The following CADPS2 variants were observed in gnomAD, a reference collection of about 807,000 sequenced individuals.
CADPS2 encodes calcium dependent secretion activator 2, also known as calcium-dependent secretion activator 2.
CADPS2 carries 93 observed loss-of-function variants against 172.5 expected under a neutral mutation model. The observed-to-expected ratio is 0.54, with a 90% CI of 0.46 to 0.64. CADPS2 has a LOEUF of 0.64. Ranked by LOEUF, CADPS2 falls within the 30% of genes least tolerant of loss-of-function variation. The pLI is 0.00. For missense variants in CADPS2, 1,420 were observed against 1,565.9 expected, an observed-to-expected ratio of 0.91 and a Z score of 1.57; for synonymous variants, 546 against 555.2, an observed-to-expected ratio of 0.98 and a Z score of 0.23.
intron 7 of CADPS2, among the ~76,000 whole-genome samples, chr7:122,556,073 T>C (rs978288150): frequency 6.6e-6 from 1 of 152,084 alleles, no homozygotes; most frequent in Non-Finnish European, 1.5e-5. Context: ...AGCATATCTA[T>C]ATACTCAAGT....
At chr7:122,718,430 G>A (rs1412228745) in intron 2 of CADPS2, among the ~76,000 whole-genome samples, 1 of 151,998 alleles carries the variant, frequency 6.6e-6, no homozygotes, top group Non-Finnish European at 1.5e-5. Flanking sequence ...AGATGGGGAG[G>A]CTTAGGGAAA....
chr7:122,770,156 C>A (rs190676255), intron 1 of CADPS2, among the ~76,000 whole-genome samples: 1 of 152,202 alleles, frequency 6.6e-6, no homozygotes, highest in East Asian at 1.9e-4. Context: ...CACACCTTAC[C>A]TCACTTAAAT....
At chr7:122,526,948 A>G (rs2131190941) in intron 8 of CADPS2, among the ~76,000 whole-genome samples, 1 of 152,306 alleles carries the variant, frequency 6.6e-6, no homozygotes, top group South Asian at 2.1e-4. Context: ...CTCCATAAAC[A>G]TTTTTGGAAT....
rs530478790 is a variant in CADPS2, at chr7:122,702,533, C to T, written c.453+34422G>A. ...CCATCCTTCAGGAAGTGCCACCACA[C>T]CAGACACCCTTTCCAGAGGAGAATG... is the stretch of plus-strand genomic sequence containing the variant. On this transcript the variant is annotated intron_variant, in intron 2 of 29. Transcript: ENST00000449022. The T allele has an allele frequency of 2.4e-5, 39 of 1,613,612 alleles. No homozygotes were observed. The East Asian group carries it at 7.1e-4, about 30-fold the overall frequency.
chr7:122,698,778 A>C, intron 2 of CADPS2: 1 of 1,614,012 alleles, frequency 6.2e-7, no homozygotes, highest in Non-Finnish European at 8.5e-7. Context: ...GATTCCCAAC[A>C]TGAAATGATA....
intron 1 of CADPS2, among the ~76,000 whole-genome samples, chr7:122,777,293 T>C (rs1380876072): frequency 1.3e-5 from 2 of 152,234 alleles, no homozygotes; most frequent in African/African-American, 2.4e-5. Context: ...AGGTTTTTTG[T>C]ACCATTGCTG....
At chr7:122,345,299 T>C (rs2037405204) in intron 28 of CADPS2, among the ~76,000 whole-genome samples, 1 of 152,034 alleles carries the variant, frequency 6.6e-6, no homozygotes. Context: ...CTATGTCTTT[T>C]ATTTTTTCTT....
chr7:122,380,111 T>C (rs1194575375), intron 24 of CADPS2, among the ~76,000 whole-genome samples: 1 of 151,866 alleles, frequency 6.6e-6, no homozygotes, highest in Non-Finnish European at 1.5e-5. Flanking sequence ...TTTAAATAAA[T>C]ACCAAAAAAA....
intron 1 of CADPS2, among the ~76,000 whole-genome samples, chr7:122,745,373 G>A (rs563258386): frequency 9.2e-5 from 14 of 151,680 alleles, no homozygotes; most frequent in South Asian, 2.1e-4. Flanking sequence ...ACTTAACCTC[G>A]CATCTAGTAA....
intron 6 of CADPS2, among the ~76,000 whole-genome samples, 168 bp from the exon 7 acceptor site, chr7:122,581,458 A>G (rs2068802357): frequency 6.6e-6 from 1 of 152,200 alleles, no homozygotes; most frequent in Admixed American, 6.5e-5. Flanking sequence ...GAAAAGAACA[A>G]TAAGCTTTAC....
chr7:122,619,690 A>C (rs2075360523), intron 5 of CADPS2, among the ~76,000 whole-genome samples: 1 of 152,178 alleles, frequency 6.6e-6, no homozygotes, highest in African/African-American at 2.4e-5. Flanking sequence ...TAAGGGACGA[A>C]TTGTGTTTTG....
At chr7:122,369,256 C>T (rs541723805) in intron 25 of CADPS2, among the ~76,000 whole-genome samples, 41 of 151,142 alleles carry the variant, frequency 2.7e-4, no homozygotes, top group African/African-American at 8.7e-4. Context: ...CTCAGCCTCC[C>T]GGTAGCTGGG....
rs113296018 is a variant in CADPS2 at position 122,698,111 on chromosome 7, G to A, written c.454-34542C>T. 9.7e-5 allele frequency: 156 copies of A among 1,613,828 alleles called. No homozygotes were observed. The highest frequency in any genetic ancestry group is 5.1e-4 in the African/African-American group (38 of 75,022). On this transcript the variant is annotated intron_variant, in intron 2 of 29. Coordinates refer to ENST00000449022, the MANE Select transcript of CADPS2 (RefSeq NM_017954.11). ...AAAAAATGTTTACAAGTCAGAATACGAACTATGTCATTAGGCTTATAGCGT... is the reference window on the plus strand; with the variant it reads ...AAAAAATGTTTACAAGTCAGAATACAAACTATGTCATTAGGCTTATAGCGT...
At chr7:122,870,412 T>A (rs1819461389) in intron 1 of CADPS2, among the ~76,000 whole-genome samples, 1 of 151,948 alleles carries the variant, frequency 6.6e-6, no homozygotes, top group African/African-American at 2.4e-5. Flanking sequence ...TTATAATAAT[T>A]GTAAATATAT....
At chr7:122,346,428 C>T (rs1437685837) in intron 27 of CADPS2, among the ~76,000 whole-genome samples, 3 of 151,998 alleles carry the variant, frequency 2.0e-5, no homozygotes, top group Non-Finnish European at 2.9e-5. Flanking sequence ...CTTAGGGTGC[C>T]TCCCTCAACT....
At chr7:122,863,559 A>G (rs1817515596) in intron 1 of CADPS2, among the ~76,000 whole-genome samples, 1 of 152,190 alleles carries the variant, frequency 6.6e-6, no homozygotes, top group African/African-American at 2.4e-5. Context: ...GGAACAACTT[A>G]AGGAGGCAAC....
chr7:122,382,948 A>C (rs568044360), intron 24 of CADPS2, among the ~76,000 whole-genome samples: 4 of 152,282 alleles, frequency 2.6e-5, no homozygotes, highest in Admixed American at 2.6e-4. Context: ...CAGCAATCCC[A>C]TTACTGGGTA....
intron 2 of CADPS2, among the ~76,000 whole-genome samples, chr7:122,708,874 A>G (rs2088135711): frequency 6.6e-6 from 1 of 151,942 alleles, no homozygotes. Context: ...TAGTCTTTGC[A>G]CTAGGAGGCA....
intron 3 of CADPS2, among the ~76,000 whole-genome samples, chr7:122,637,448 G>A (rs893231180): frequency 5.3e-5 from 8 of 152,110 alleles, no homozygotes; most frequent in African/African-American, 1.7e-4. Flanking sequence ...GGGATTACAA[G>A]CATGAGCCAC....
Sources: gnomAD v4.1 joint callset for allele counts (sites outside exome capture counted in the v4.1 genomes callset) on GRCh38, gnomAD v4.1.1 for gene constraint, MANE v1.5 for transcripts, NCBI Gene and HGNC (gene_info 2026-07-23, HGNC 2026-07-21) for gene names.